CALN1: variants seen among roughly 807,000 people sequenced by gnomAD.
CALN1 encodes the protein calcium-binding protein 8.
Under a neutral mutation model 30.6 loss-of-function variants are expected in CALN1, and 17 were observed. The observed-to-expected ratio is 0.56, with a 90% CI of 0.38 to 0.83. The LOEUF (loss-of-function observed/expected upper bound fraction) is 0.83, where lower values mean the gene tolerates loss of function less well. CALN1 is among the 40% of genes least tolerant of loss of function. CALN1 has a pLI of 0.00. For synonymous variants in CALN1, 156 were observed against 131.4 expected (o/e 1.19, Z -1.28); for missense variants, 291 against 354.9 (o/e 0.82, Z 1.45).
chr7:72,480,412 A>G, the CALN1 span, among the ~76,000 whole-genome samples: 1 of 152,102 alleles, frequency 6.6e-6, no homozygotes, highest in Non-Finnish European at 1.5e-5. Flanking sequence ...ATTTCCTGAA[A>G]ATTTGTTTAG....
chr7:72,371,443 T>A (rs1804236361), intron 2 of CALN1, among the ~76,000 whole-genome samples: 2 of 152,230 alleles, frequency 1.3e-5, no homozygotes, highest in South Asian at 4.2e-4. Flanking sequence ...GATAGTGAGT[T>A]CTCATGAGAT....
chr7:72,406,094 A>C lies in CALN1; in HGVS notation c.-73-2652T>G, dbSNP rs189575198. Among the ~76,000 whole-genome samples the C allele has an allele frequency of 5.3e-3, 808 of 152,272 alleles. 24 individuals carry two copies. The highest frequency in any genetic ancestry group is 0.048 in the Admixed American group (738 of 15,298). ...TGGTGCCCTCACTGCGGCACTCGCG[A>C]TGTGCCAGAGAAACACAAAGCCAGG... On this transcript the variant is annotated intron_variant, in intron 1 of 6. Coordinates refer to ENST00000395275, the MANE Select transcript of CALN1 (RefSeq NM_031468.4).
chr7:72,413,108 G>A (rs1807279852), upstream of CALN1, among the ~76,000 whole-genome samples: 1 of 152,094 alleles, frequency 6.6e-6, no homozygotes, highest in African/African-American at 2.4e-5. Flanking sequence ...GGTTCTGTTA[G>A]ACACATATGC....
At chr7:71,971,953 A>AAG (rs1797838362) in intron 5 of CALN1, among the ~76,000 whole-genome samples, 100 of 72,786 alleles carry the variant, frequency 1.4e-3, no homozygotes, top group African/African-American at 3.3e-3. Context: ...AAAAAAAAAA[A>AAG]AAAGAAAGAA....
chr7:71,937,446 AATAT>A (rs113983664), intron 5 of CALN1, among the ~76,000 whole-genome samples: 1 of 149,442 alleles, frequency 6.7e-6, no homozygotes, highest in South Asian at 2.1e-4. Flanking sequence ...ATATACATCT[AATAT>A]ATATATATAT....
intron 5 of CALN1, among the ~76,000 whole-genome samples, chr7:71,997,637 T>C: frequency 6.6e-6 from 1 of 152,244 alleles, no homozygotes; most frequent in East Asian, 1.9e-4. Context: ...ATTGAACTTC[T>C]GATGATAACT....
At chr7:72,326,660 C>T (rs1006048320) in intron 2 of CALN1, among the ~76,000 whole-genome samples, 2 of 152,208 alleles carry the variant, frequency 1.3e-5, no homozygotes, top group African/African-American at 4.8e-5. Context: ...TATCAGTACA[C>T]AAACAGATTA....
chr7:72,383,680 G>C (rs1322657821), intron 2 of CALN1, among the ~76,000 whole-genome samples: 1 of 152,194 alleles, frequency 6.6e-6, no homozygotes, highest in Non-Finnish European at 1.5e-5. Context: ...GGAAGGGACA[G>C]AGCAGGGAGT....
At chr7:72,390,064 C>T (rs1805478527) in intron 2 of CALN1, among the ~76,000 whole-genome samples, 1 of 151,936 alleles carries the variant, frequency 6.6e-6, no homozygotes, top group South Asian at 2.1e-4. Flanking sequence ...GGGTGGGAGA[C>T]CAGGTTGGCT....
the CALN1 span, among the ~76,000 whole-genome samples, chr7:72,466,462 C>T: frequency 2.0e-5 from 3 of 152,052 alleles, no homozygotes; most frequent in Admixed American, 6.6e-5. Context: ...TATGTAGGGT[C>T]GCCAGGTGCA....
intron 2 of CALN1, among the ~76,000 whole-genome samples, chr7:72,332,176 T>C (rs955559842): frequency 1.3e-5 from 2 of 152,290 alleles, no homozygotes; most frequent in African/African-American, 4.8e-5. Flanking sequence ...AGCAGCAGTG[T>C]ACAGCAGCAG....
At chr7:72,275,118 A>C (rs1585330452) in intron 3 of CALN1, among the ~76,000 whole-genome samples, 1 of 152,064 alleles carries the variant, frequency 6.6e-6, no homozygotes, top group Non-Finnish European at 1.5e-5. Context: ...AGAAGGCTGC[A>C]GTGGCTGCAG....
At chr7:72,345,939 G>C (rs1802619413) in intron 2 of CALN1, among the ~76,000 whole-genome samples, 1 of 152,064 alleles carries the variant, frequency 6.6e-6, no homozygotes, top group Non-Finnish European at 1.5e-5. Context: ...TCCGGAAAAA[G>C]AACCGAATTA....
intron 3 of CALN1, among the ~76,000 whole-genome samples, 198 bp downstream of exon 3, chr7:72,278,472 TACACACACACACACAC>T (rs59010102): frequency 8.5e-4 from 122 of 144,080 alleles, no homozygotes; most frequent in African/African-American, 1.3e-3. Context: ...ATCAGGTCTG[TACACACACACACACAC>T]ACACACACAC....
At chr7:72,266,986 A>G (rs756643721) in intron 3 of CALN1, among the ~76,000 whole-genome samples, 4 of 152,200 alleles carry the variant, frequency 2.6e-5, no homozygotes, top group Non-Finnish European at 5.9e-5. Context: ...GCAGAGCTGT[A>G]TATCTGACAC....
chr7:72,104,243 G>A (rs113406023), intron 4 of CALN1: 3,290 of 152,388 alleles, frequency 0.022, 107 homozygotes, highest in African/African-American at 0.075. Flanking sequence ...TAGGACCTCC[G>A]TCTGGAGACC....
chr7:72,354,970 C>T (rs933775255), intron 2 of CALN1, among the ~76,000 whole-genome samples: 2 of 151,140 alleles, frequency 1.3e-5, no homozygotes, highest in Non-Finnish European at 2.9e-5. Context: ...AGTGCAGTGG[C>T]ACAATCACAG....
chr7:72,407,000 T>C (rs1350571354), intron 1 of CALN1, among the ~76,000 whole-genome samples: 4 of 152,156 alleles, frequency 2.6e-5, no homozygotes, highest in South Asian at 2.1e-4. Flanking sequence ...AGTCACTCTT[T>C]CAGGGCTCAG....
intron 5 of CALN1, among the ~76,000 whole-genome samples, chr7:71,861,777 CAAAAA>C (rs35793572): frequency 5.4e-3 from 400 of 74,728 alleles, no homozygotes; most frequent in Middle Eastern, 0.015. Flanking sequence ...CAACTCTATC[CAAAAA>C]AAAAAAAAAA....
Sources: gnomAD v4.1 joint callset for allele counts (sites outside exome capture counted in the v4.1 genomes callset) on GRCh38, gnomAD v4.1.1 for gene constraint, MANE v1.5 for transcripts, NCBI Gene and HGNC (gene_info 2026-07-23, HGNC 2026-07-21) for gene names.